DCAF12: variants seen among roughly 807,000 people sequenced by gnomAD.
The protein encoded by DCAF12 is DDB1 and CUL4 associated factor 12.
DCAF12 carries 28 observed loss-of-function variants against 52.8 expected under a neutral mutation model. The ratio of observed to expected loss-of-function variants is 0.53; its 90% CI spans 0.39 to 0.73. The LOEUF is 0.73. DCAF12 is among the 30% of genes least tolerant of loss of function. The probability of loss-of-function intolerance (pLI) is 0.00; values close to 1 mark genes in which losing one functional copy is unlikely to be tolerated. For missense variants in DCAF12, 425 were observed against 552.2 expected (o/e 0.77, Z 2.31); for synonymous variants, 196 against 215.5 (o/e 0.91, Z 0.79).
In DCAF12 at chr9:34,107,539, G is replaced by C; in HGVS notation, c.360C>G (p.Ser120Arg). The change falls in exon 3 of 9, where the codon AGC (serine) becomes AGG (arginine). Residue 120 changes from serine to arginine, a missense_variant. Around this residue, in one of 3 missense-constraint regions of DCAF12, gnomAD observed 328 missense variants for 444.4 expected, o/e 0.74. Coordinates refer to ENST00000361264, the MANE Select transcript of DCAF12 (RefSeq NM_015397.4). The part of the protein sequence containing the change: ...NTLFVVDVQT[S>R]QITKIPILKD... ...TCAGAATGGGGATCTTGGTGATCTG[G>C]CTTGTCTGGACATCTACGACAAATA... 2 of 1,614,132 alleles carry C rather than the reference G, an allele frequency of 1.2e-6. No homozygotes were observed. Among genetic ancestry groups the C allele is most frequent in the East Asian group, 2.2e-5 (1 of 44,890 alleles).
At chr9:34,099,314 G>A (rs1420621172) in intron 4 of DCAF12, among the ~76,000 whole-genome samples, 1 of 152,074 alleles carries the variant, frequency 6.6e-6, no homozygotes, top group Non-Finnish European at 1.5e-5. Flanking sequence ...TTGGCTCACT[G>A]CAACCTCCGC....
chr9:34,094,748 T>G (rs529965863), intron 6 of DCAF12, among the ~76,000 whole-genome samples: 1 of 151,848 alleles, frequency 6.6e-6, no homozygotes, highest in African/African-American at 2.4e-5. Context: ...GCCAGGATGG[T>G]CTCAATCTCC....
chr9:34,097,598 A>G (rs1258543077), intron 5 of DCAF12, among the ~76,000 whole-genome samples: 2 of 151,958 alleles, frequency 1.3e-5, no homozygotes, highest in African/African-American at 4.8e-5. Flanking sequence ...ATCTGACTCA[A>G]TAAGGTAAGA....
At chr9:34,096,815 A>G in intron 5 of DCAF12, 34 bp from the exon 6 acceptor site, 1 of 1,586,498 alleles carries the variant, frequency 6.3e-7, no homozygotes, top group Non-Finnish European at 8.6e-7. Context: ...TTATATTATC[A>G]TCTATAGCAA....
chr9:34,126,426 G>T lies in DCAF12; in HGVS notation c.6C>A (p.Ala2=), dbSNP rs1382934507. 2 of 1,606,952 alleles carry T rather than the reference G, an allele frequency of 1.2e-6. No individual in the cohort carries two copies. The highest frequency in any genetic ancestry group is 8.5e-7 in the Non-Finnish European group (1 of 1,179,588). The change falls in exon 1 of 9, where the codon GCC becomes GCA. Residue 2 remains alanine, a synonymous_variant. Coordinates refer to ENST00000361264, the MANE Select transcript of DCAF12 (RefSeq NM_015397.4). M[A]RKVVSRKRKA... is the part of the protein sequence containing the mutation. ...TCCGCTTCCTGCTAACTACTTTCCG[G>T]GCCATAGTGGGCAGCGCCGCCGCGG...
Position 34,126,595 on chromosome 9 carries a change from G to C in DCAF12, c.-164C>G. The C allele has an allele frequency of 5.4e-6, 4 of 737,622 alleles. No homozygotes were observed. Among genetic ancestry groups the C allele is most frequent in the East Asian group, 2.8e-5 (1 of 35,820 alleles). 45.7% of individuals were successfully genotyped at this position (737,622 alleles called of 1,614,324 possible). A position where few individuals can be genotyped will look rare whatever the true frequency, so the allele number is the denominator to read the frequency against. ...GCAGCAGAAAAAAGATAGGCGGAAA[G>C]AAAGGAAAGAGAGAGGAAGGACTTG... On this transcript the variant is annotated 5_prime_UTR_variant, in exon 1 of 9. Coordinates refer to ENST00000361264, the MANE Select transcript of DCAF12 (RefSeq NM_015397.4).
chr9:34,122,190 C>T (rs1391075902), intron 2 of DCAF12, among the ~76,000 whole-genome samples: 2 of 152,114 alleles, frequency 1.3e-5, no homozygotes, highest in Admixed American at 6.6e-5. Flanking sequence ...CCACACCACC[C>T]CCCCAAAATC....
Position 34,098,448 on chromosome 9 carries a change from T to C in DCAF12, c.671A>G (p.His224Arg). The C allele has an allele frequency of 6.2e-7, 1 of 1,614,212 alleles. No individual in the cohort carries two copies. Residue 224 changes from histidine to arginine, a missense_variant, in exon 5 of 9, where the codon CAC (histidine) becomes CGC (arginine). His to Arg is a conservative substitution (Grantham distance 29). Around this residue, in one of 3 missense-constraint regions of DCAF12, gnomAD observed 328 missense variants for 444.4 expected, o/e 0.74. Transcript: ENST00000361264. The stretch of plus-strand genomic sequence containing the variant: ...ATACACAGGGACCCGTGACACATTG[T>C]GTCTCGCATCACTTTTGGTCAAAAC... ...DDVLTKSDAR[H>R]NVSRVPVYAH...
chr9:34,116,589 C>T (rs916438557), intron 2 of DCAF12, among the ~76,000 whole-genome samples: 1 of 152,074 alleles, frequency 6.6e-6, no homozygotes, highest in Non-Finnish European at 1.5e-5. Flanking sequence ...GCAGGAGAAT[C>T]GCCTGAACTC....
intron 6 of DCAF12, among the ~76,000 whole-genome samples, chr9:34,094,706 A>G (rs978693757): frequency 6.6e-6 from 1 of 151,350 alleles, no homozygotes; most frequent in Admixed American, 6.6e-5. Flanking sequence ...AATTTTTTGT[A>G]TTTTTAGTAG....
chr9:34,120,203 CAAAAAAAAAAAA>C (rs34481024), intron 2 of DCAF12, among the ~76,000 whole-genome samples: 7 of 26,198 alleles, frequency 2.7e-4, no homozygotes, highest in African/African-American at 5.7e-4. Context: ...AAGTCCGTCT[CAAAAAAAAAAAA>C]AAAAAAAAAA....
intron 4 of DCAF12, among the ~76,000 whole-genome samples, chr9:34,104,052 T>G (rs1828869415): frequency 6.6e-6 from 1 of 151,894 alleles, no homozygotes; most frequent in South Asian, 2.1e-4. Context: ...GCAGATCACT[T>G]GAAGTCAGGA....
Position 34,110,231 on chromosome 9 carries a change from G to A in DCAF12, c.334-2666C>T, listed in dbSNP as rs903606276. 3.3e-5 allele frequency among the ~76,000 whole-genome samples: 5 copies of A among 151,988 alleles called. No individual in the cohort carries two copies. The East Asian group carries it at 9.6e-4, about 29-fold the overall frequency. On this transcript the variant is annotated intron_variant, in intron 2 of 8. Transcript: ENST00000361264. ...CCCACAAGCATCTGAAACTGAATAT[G>A]CCCAAAACAAATAACCTTGCTCCTC...
intron 1 of DCAF12, 37 bp from the exon 2 acceptor site, chr9:34,125,314 C>T: frequency 1.2e-6 from 2 of 1,608,858 alleles, no homozygotes; most frequent in Non-Finnish European, 1.7e-6. Flanking sequence ...GCTTTGGCTA[C>T]TCTTCTTCAG....
chr9:34,110,426 C>T (rs933458967), intron 2 of DCAF12, among the ~76,000 whole-genome samples: 4 of 152,140 alleles, frequency 2.6e-5, no homozygotes, highest in South Asian at 4.1e-4. Context: ...ATCACTTCTC[C>T]TTGGACAACC....
At chr9:34,109,815 G>A in intron 2 of DCAF12, 1 of 343,600 alleles carries the variant, frequency 2.9e-6, no homozygotes, top group Admixed American at 2.8e-5. Flanking sequence ...AGGTGGGTGT[G>A]GGCAGCTTTA....
intron 2 of DCAF12, among the ~76,000 whole-genome samples, chr9:34,124,086 T>C (rs1829212458): frequency 1.3e-5 from 2 of 152,250 alleles, no homozygotes; most frequent in Non-Finnish European, 2.9e-5. Flanking sequence ...TTTTTGCCTA[T>C]GTCCTTTATA....
In DCAF12 at chr9:34,105,785, C is replaced by T. The variant is rs958058144; in HGVS notation, c.601+649G>A. Among the ~76,000 whole-genome samples the T allele has an allele frequency of 3.0e-4, 44 of 149,132 alleles. 1 individual carries two copies. Among genetic ancestry groups the T allele is most frequent in the African/African-American group, 1.0e-3 (41 of 40,380 alleles). ...TTTTTTTTTGAGATGGAGTCTCACA[C>T]TTGCTCAGGCTGGAGTGCAGTGGCG... On this transcript the variant is annotated intron_variant, in intron 4 of 8. Coordinates refer to ENST00000361264, the MANE Select transcript of DCAF12 (RefSeq NM_015397.4).
intron 4 of DCAF12, among the ~76,000 whole-genome samples, chr9:34,101,468 C>T (rs1419944853): frequency 2.6e-5 from 4 of 151,944 alleles, no homozygotes; most frequent in African/African-American, 9.6e-5. Context: ...TCTTGGCTCA[C>T]CGCAACCTCT....
Sources: gnomAD v4.1 joint callset for allele counts (sites outside exome capture counted in the v4.1 genomes callset) on GRCh38, gnomAD v4.1.1 for gene constraint, gnomAD v4.1.1 regional missense constraint, MANE v1.5 for transcripts, NCBI Gene and HGNC (gene_info 2026-07-23, HGNC 2026-07-21) for gene names.